The following KIF5B variants were observed in gnomAD, a reference collection of about 807,000 sequenced individuals.
The protein encoded by KIF5B is kinesin family member 5B.
A neutral mutation model predicts 132.8 loss-of-function variants in KIF5B; 49 were observed. The observed-to-expected ratio is 0.37, with a 90% confidence interval of 0.29 to 0.47. KIF5B has a LOEUF of 0.47. KIF5B is among the 20% of genes least tolerant of loss of function. KIF5B has a pLI of 1.00. For missense variants in KIF5B, 780 were observed against 1,144.0 expected, an observed-to-expected ratio of 0.68 and a Z score of 4.59; for synonymous variants, 355 against 369.4, an observed-to-expected ratio of 0.96 and a Z score of 0.45.
At position 32,055,875 on chromosome 10, in the gene KIF5B, A is replaced by C; in HGVS notation, c.99T>G (p.Phe33Leu). The C allele has an allele frequency of 6.2e-7, 1 of 1,613,020 alleles. No individual in the cohort carries two copies. ...VNRGDKYIAKFQGEDTVVIAS... is the reference protein window; with the variant it reads ...VNRGDKYIAKLQGEDTVVIAS... Reference sequence around the variant, plus strand: ...CGATCACGACCGTGTCTTCTCCCTGAAACTTGGCGATGTACTTGTCGCCGC... The same window carrying C: ...CGATCACGACCGTGTCTTCTCCCTGCAACTTGGCGATGTACTTGTCGCCGC... The change falls in exon 1 of 26, where the codon TTT becomes TTG. Residue 33 changes from phenylalanine to leucine, a missense_variant. Transcript: ENST00000302418.
chr10:32,024,820 T>C (rs1391138023), intron 15 of KIF5B, among the ~76,000 whole-genome samples: 1 of 150,786 alleles, frequency 6.6e-6, no homozygotes, highest in African/African-American at 2.4e-5. Flanking sequence ...CTCATGCCTG[T>C]AGTACCAGCA....
At chr10:32,026,451 A>G (rs1841335052) in intron 15 of KIF5B, among the ~76,000 whole-genome samples, 2 of 150,180 alleles carry the variant, frequency 1.3e-5, no homozygotes, top group African/African-American at 4.9e-5. Context: ...AAAAAAAAAA[A>G]AAAAAAAAAA....
At chr10:32,053,185 C>T (rs901002769) in intron 1 of KIF5B, among the ~76,000 whole-genome samples, 3 of 151,944 alleles carry the variant, frequency 2.0e-5, no homozygotes, top group African/African-American at 7.3e-5. Flanking sequence ...ATGAAAAAAC[C>T]AAACCGAGAA....
chr10:32,021,401 A>T (rs1254686468), intron 17 of KIF5B, 114 bp from the exon 18 acceptor site: 1 of 707,268 alleles, frequency 1.4e-6, no homozygotes, highest in African/African-American at 1.8e-5. Context: ...ATTCAACTTC[A>T]AATTACCCAA....
chr10:32,032,911 C>A (rs1841419420), intron 12 of KIF5B, 137 bp from the exon 13 acceptor site: 1 of 676,668 alleles, frequency 1.5e-6, no homozygotes, highest in African/African-American at 1.8e-5. Flanking sequence ...TTATTTTAAT[C>A]TCTTTTAAGA....
intron 25 of KIF5B, among the ~76,000 whole-genome samples, chr10:32,013,852 T>C (rs766713979): frequency 6.6e-6 from 1 of 152,244 alleles, no homozygotes; most frequent in Non-Finnish European, 1.5e-5. Flanking sequence ...TGGAACTCCA[T>C]AGTCCCTGTT....
chr10:32,051,124 C>G (rs927144348), intron 1 of KIF5B, among the ~76,000 whole-genome samples: 3 of 152,182 alleles, frequency 2.0e-5, no homozygotes, highest in African/African-American at 7.2e-5. Context: ...ACACTTGGAT[C>G]TAATATAAGT....
At chr10:32,036,841 CAAT>C (rs769628951) in intron 8 of KIF5B, among the ~76,000 whole-genome samples, 4 of 151,958 alleles carry the variant, frequency 2.6e-5, no homozygotes, top group Non-Finnish European at 4.4e-5. Flanking sequence ...AATAATGAAA[CAAT>C]AATCCAAAGG....
Position 32,017,351 on chromosome 10 carries a change from A to G in KIF5B, c.2553T>C (p.Arg851=). The change falls in exon 24 of 26, where the codon CGT becomes CGC. Residue 851 remains arginine, a synonymous_variant. Transcript: ENST00000302418. ...GTTCACAGCGGAGATCTGCATTATC[A>G]CGTACCAACTAAACGTACACAAAGA... is the stretch of plus-strand genomic sequence containing the variant. ...QLTKVHKQLV[R]DNADLRCELP... is the part of the protein sequence containing the mutation. The G allele has an allele frequency of 1.2e-6, 2 of 1,613,132 alleles. No homozygotes were observed. The highest frequency in any genetic ancestry group is 1.7e-6 in the Non-Finnish European group (2 of 1,179,240).
chr10:32,046,738 C>T (rs1564470843), intron 2 of KIF5B, among the ~76,000 whole-genome samples: 1 of 152,120 alleles, frequency 6.6e-6, no homozygotes, highest in Non-Finnish European at 1.5e-5. Context: ...TTTACTACCT[C>T]GGAAGTCAAC....
At position 32,037,185 on chromosome 10, in the gene KIF5B, GT is replaced by G. The variant is rs1564468428; in HGVS notation, c.711+68del. The G allele has an allele frequency of 2.1e-6, 3 of 1,461,900 alleles. No homozygotes were observed. The African/African-American group carries it at 4.2e-5, about 21-fold the overall frequency. The allele number at this position is 1,461,900 out of a possible 1,614,324, so 90.6% of individuals were successfully genotyped here. Reference sequence around the variant, plus strand: ...AGTAAGATGCAACAATGAACCCTGCGTAACTCCCAACTCAAACTAAAGTTTA... The same window carrying G: ...AGTAAGATGCAACAATGAACCCTGCGAACTCCCAACTCAAACTAAAGTTTA... On this transcript the variant is annotated intron_variant, in intron 8 of 25. Coordinates refer to ENST00000302418, the MANE Select transcript of KIF5B (RefSeq NM_004521.3).
chr10:32,032,732 T>C lies in KIF5B; in HGVS notation c.1348A>G (p.Lys450Glu), dbSNP rs200492046. Residue 450 changes from lysine to glutamate, a missense_variant, in exon 13 of 26, where the codon AAG (lysine) becomes GAG (glutamate). Around this residue, in one of 9 missense-constraint regions of KIF5B, gnomAD observed 471 missense variants for 569.9 expected, o/e 0.83. Coordinates refer to ENST00000302418, the MANE Select transcript of KIF5B (RefSeq NM_004521.3). The stretch of plus-strand genomic sequence containing the variant: ...TCCTCCTGATCCAACATTTGCGTCT[T>C]CAGTTTCTCTACCAGTTGACTTTGC... ...NQQSQLVEKL[K>E]TQMLDQEELL... 1.9e-6 allele frequency: 3 copies of C among 1,613,984 alleles called. No homozygotes were observed. The Admixed American group carries it at 5.0e-5, about 27-fold the overall frequency.
intron 24 of KIF5B, among the ~76,000 whole-genome samples, chr10:32,016,350 G>A (rs1162003093): frequency 6.6e-6 from 1 of 151,942 alleles, no homozygotes; most frequent in African/African-American, 2.4e-5. Context: ...CAGCTACTAG[G>A]GAGGCTGAGG....
intron 13 of KIF5B, among the ~76,000 whole-genome samples, chr10:32,031,495 A>G (rs1013184235): frequency 3.3e-5 from 5 of 152,184 alleles, no homozygotes; most frequent in African/African-American, 1.2e-4. Context: ...ACTGTGTTTA[A>G]GGAACACAGT....
chr10:32,039,304 T>C (rs776498792), intron 4 of KIF5B, 23 bp downstream of exon 4: 2 of 811,376 alleles, frequency 2.5e-6, no homozygotes, highest in African/African-American at 1.8e-5. Flanking sequence ...AAATAAAATA[T>C]AATCTTTCCT....
At position 32,026,339 on chromosome 10, in the gene KIF5B, G is replaced by A. The variant is rs191987228; in HGVS notation, c.1725+2089C>T. Reference sequence around the variant, plus strand: ...TGTAATCCTAGCTACTCGGGAGGCCGAGGTGGGAGAATGGCATGAACCCGG... The same window carrying A: ...TGTAATCCTAGCTACTCGGGAGGCCAAGGTGGGAGAATGGCATGAACCCGG... On this transcript the variant is annotated intron_variant, in intron 15 of 25. Transcript: ENST00000302418. Among the ~76,000 whole-genome samples the A allele has an allele frequency of 1.9e-4, 29 of 150,496 alleles. No homozygotes were observed. In the East Asian group the frequency reaches 4.9e-3, roughly 26 times the overall value.
intron 17 of KIF5B, among the ~76,000 whole-genome samples, chr10:32,021,918 G>C (rs1431706752): frequency 6.6e-6 from 1 of 152,172 alleles, no homozygotes; most frequent in African/African-American, 2.4e-5. Context: ...GTTGCAGTGA[G>C]TCAAGATAGT....
At chr10:32,031,995 G>A (rs946518424) in intron 13 of KIF5B, among the ~76,000 whole-genome samples, 10 of 150,174 alleles carry the variant, frequency 6.7e-5, no homozygotes, top group South Asian at 2.1e-4. Flanking sequence ...GCAAGACTTC[G>A]CCTCAAAAAC....
chr10:32,020,515 TA>T (rs1841244992), intron 19 of KIF5B, among the ~76,000 whole-genome samples: 2 of 152,124 alleles, frequency 1.3e-5, no homozygotes, highest in Non-Finnish European at 2.9e-5. Context: ...CAGATTCCAA[TA>T]CTCAAGCAAT....
Sources: gnomAD v4.1 joint callset for allele counts (sites outside exome capture counted in the v4.1 genomes callset) on GRCh38, gnomAD v4.1.1 for gene constraint, gnomAD v4.1.1 regional missense constraint, MANE v1.5 for transcripts, NCBI Gene and HGNC (gene_info 2026-07-23, HGNC 2026-07-21) for gene names.